Variants in RYR2 observed in about 807,000 individuals in gnomAD.
The protein encoded by RYR2 is cardiac muscle ryanodine receptor-calcium release channel.
In RYR2, 227 loss-of-function variants were observed where a neutral mutation model predicts 601.1. That is an observed-to-expected ratio of 0.38 (90% CI 0.34 to 0.42). The LOEUF is 0.42. Ranked by LOEUF, RYR2 falls within the 10% of genes least tolerant of loss-of-function variation. The pLI, the probability that RYR2 is intolerant of heterozygous loss-of-function variation, is 1.00. For missense variants in RYR2, 4,646 were observed against 6,156.5 expected, an observed-to-expected ratio of 0.75 and a Z score of 8.21; for synonymous variants, 2,223 against 2,175.1, an observed-to-expected ratio of 1.02 and a Z score of -0.61.
At position 237,206,335 on chromosome 1, in the gene RYR2, C is replaced by T. The variant is rs556163376; in HGVS notation, c.49-64162C>T. Among the ~76,000 whole-genome samples, 95 of 152,278 alleles carry T rather than the reference C, an allele frequency of 6.2e-4. No homozygotes were observed. In the Middle Eastern group the frequency reaches 0.017, roughly 27 times the overall value. ...CGGCCGAACATGAGCCTGAGCTGCT[C>T]CCTCGAAAACACTTTTATCTCTTGT... On this transcript the variant is annotated intron_variant, in intron 1 of 104. Transcript: ENST00000366574.
At chr1:237,176,248 AAT>A (rs893993198) in intron 1 of RYR2, among the ~76,000 whole-genome samples, 1,581 of 133,014 alleles carry the variant, frequency 0.012, 28 homozygotes, top group African/African-American at 0.04. Context: ...TAATGAAAAA[AAT>A]ATATATATAT....
chr1:237,154,799 T>G (rs1013614766), intron 1 of RYR2, among the ~76,000 whole-genome samples: 2 of 152,256 alleles, frequency 1.3e-5, no homozygotes, highest in Non-Finnish European at 2.9e-5. Flanking sequence ...TTTTCCTATT[T>G]TCTTCTTGTT....
intron 1 of RYR2, among the ~76,000 whole-genome samples, chr1:237,219,576 G>A (rs1483547339): frequency 6.6e-6 from 1 of 152,110 alleles, no homozygotes; most frequent in Non-Finnish European, 1.5e-5. Context: ...TACAAATCAG[G>A]GTGTGATAGC....
intron 1 of RYR2, among the ~76,000 whole-genome samples, chr1:237,245,219 GA>G (rs1271789315): frequency 2.6e-3 from 361 of 137,684 alleles, no homozygotes; most frequent in African/African-American, 4.1e-3. Flanking sequence ...TCTGTCTTTG[GA>G]AAAAAAAAAA....
chr1:237,606,610 C>G (rs891656516), intron 35 of RYR2, among the ~76,000 whole-genome samples: 9 of 152,306 alleles, frequency 5.9e-5, no homozygotes, highest in Non-Finnish European at 1.2e-4. Flanking sequence ...GCAAAAGAAA[C>G]TACCATCAGA....
intron 1 of RYR2, among the ~76,000 whole-genome samples, chr1:237,136,402 A>G (rs1189965798): frequency 6.6e-6 from 1 of 152,166 alleles, no homozygotes; most frequent in Non-Finnish European, 1.5e-5. Context: ...AGAGGTATGC[A>G]TGCTATGCAG....
At chr1:237,743,404 C>T (rs966808012) in intron 80 of RYR2, among the ~76,000 whole-genome samples, 4 of 152,124 alleles carry the variant, frequency 2.6e-5, no homozygotes, top group African/African-American at 9.7e-5. Context: ...TGTATGATTT[C>T]TATAATCTTT....
chr1:237,154,922 GC>G (rs1675138685), intron 1 of RYR2, among the ~76,000 whole-genome samples: 1 of 152,050 alleles, frequency 6.6e-6, no homozygotes, highest in Non-Finnish European at 1.5e-5. Flanking sequence ...GGTGAAGAAT[GC>G]CCCATTACAG....
At chr1:237,796,638 A>T (rs1659265765) in intron 96 of RYR2, among the ~76,000 whole-genome samples, 1 of 151,786 alleles carries the variant, frequency 6.6e-6, no homozygotes, top group African/African-American at 2.4e-5. Flanking sequence ...AATCTTGTTC[A>T]GTATATTTCC....
intron 35 of RYR2, among the ~76,000 whole-genome samples, chr1:237,602,941 T>A (rs1357988291): frequency 6.6e-6 from 1 of 152,128 alleles, no homozygotes; most frequent in African/African-American, 2.4e-5. Context: ...TGGAAGACAG[T>A]GATTAGAGCC....
chr1:237,101,500 C>T (rs1390597669), intron 1 of RYR2, among the ~76,000 whole-genome samples: 2 of 151,974 alleles, frequency 1.3e-5, no homozygotes, highest in African/African-American at 4.8e-5. Context: ...TGAGCAGTTA[C>T]TAGGTTCTAT....
At chr1:237,825,532 T>C (rs1408795282) in intron 101 of RYR2, among the ~76,000 whole-genome samples, 1 of 152,100 alleles carries the variant, frequency 6.6e-6, no homozygotes, top group African/African-American at 2.4e-5. Flanking sequence ...GATTAAAGAC[T>C]TAAACATAAG....
At chr1:237,327,382 G>T (rs1051320367) in intron 2 of RYR2, among the ~76,000 whole-genome samples, 1 of 152,152 alleles carries the variant, frequency 6.6e-6, no homozygotes, top group Non-Finnish European at 1.5e-5. Flanking sequence ...AAATTCATTT[G>T]ACAGGATTAA....
Position 237,590,736 on chromosome 1 carries a change from T to C in RYR2, c.3904T>C (p.Tyr1302His). ...GAACAGCAACACTGATATCATGTTT[T>C]ATCGCCTGAGCATGCCGATCGAGTG... The part of the protein sequence containing the change: ...SQNSNTDIMF[Y>H]RLSMPIECAE... Residue 1302 changes from tyrosine to histidine, a missense_variant, in exon 31 of 105, where the codon TAT (tyrosine) becomes CAT (histidine). Tyr to His is a moderately conservative substitution (Grantham distance 83). Transcript: ENST00000366574. The C allele has an allele frequency of 6.2e-7, 1 of 1,613,194 alleles. No homozygotes were observed.
chr1:237,720,273 A>G (rs1689611435), intron 73 of RYR2, among the ~76,000 whole-genome samples: 1 of 152,206 alleles, frequency 6.6e-6, no homozygotes, highest in Non-Finnish European at 1.5e-5. Flanking sequence ...AGCAACAACA[A>G]TATAATATAT....
chr1:237,465,453 A>G (rs1659967963), intron 16 of RYR2, among the ~76,000 whole-genome samples: 1 of 152,138 alleles, frequency 6.6e-6, no homozygotes, highest in Non-Finnish European at 1.5e-5. Flanking sequence ...CTGCTTTTGT[A>G]AAATCAGGGA....
At chr1:237,434,477 A>G (rs1458498256) in intron 12 of RYR2, among the ~76,000 whole-genome samples, 1 of 152,234 alleles carries the variant, frequency 6.6e-6, no homozygotes, top group Non-Finnish European at 1.5e-5. Flanking sequence ...AGATTTTCTT[A>G]GAAATATTCT....
intron 16 of RYR2, among the ~76,000 whole-genome samples, chr1:237,458,555 A>G (rs553772012): frequency 2.0e-5 from 3 of 152,194 alleles, no homozygotes; most frequent in African/African-American, 7.2e-5. Context: ...CACATTTCTT[A>G]TTTAGTTATA....
intron 26 of RYR2, 65 bp from the exon 27 acceptor site, chr1:237,550,479 G>A: frequency 6.5e-7 from 1 of 1,545,066 alleles, no homozygotes; most frequent in Non-Finnish European, 8.8e-7. Flanking sequence ...GATGTATTTG[G>A]TAGCTACTTA....
Sources: allele counts gnomAD v4.1 joint callset (sites outside exome capture counted in the v4.1 genomes callset), GRCh38; gene constraint gnomAD v4.1.1; transcripts MANE v1.5; gene names NCBI Gene and HGNC (gene_info 2026-07-23, HGNC 2026-07-21).